Variants in ENOX1 observed in about 807,000 individuals in gnomAD.
ENOX1 encodes ecto-NOX disulfide-thiol exchanger 1.
A neutral mutation model predicts 82.5 loss-of-function variants in ENOX1; 42 were observed. The observed-to-expected ratio is 0.51, with a 90% CI of 0.40 to 0.66. The LOEUF (loss-of-function observed/expected upper bound fraction) is 0.66, where lower values mean the gene tolerates loss of function less well. Ranked by LOEUF, ENOX1 falls within the 30% of genes least tolerant of loss-of-function variation. The probability of loss-of-function intolerance (pLI) is 0.00; values close to 1 mark genes in which losing one functional copy is unlikely to be tolerated. For missense variants in ENOX1, 608 were observed against 811.6 expected (o/e 0.75, Z 3.05); for synonymous variants, 271 against 282.2 (o/e 0.96, Z 0.40).
intron 2 of ENOX1, among the ~76,000 whole-genome samples, chr13:43,641,601 T>C (rs1323964140): frequency 1.6e-5 from 2 of 124,234 alleles, no homozygotes; most frequent in Non-Finnish European, 3.2e-5. Context: ...AGTGGCGCCA[T>C]CTTGGCTAAC....
At position 43,705,328 on chromosome 13, in the gene ENOX1, C is replaced by CTATATA. The variant is rs1248320824; in HGVS notation, c.-284-37785_-284-37784insTATATA. ...CAACTCTCTCTCTCTCTCTCTCTCT[C>CTATATA]TCTATATATATATATATTTGTAATA... is the stretch of plus-strand genomic sequence containing the variant. On this transcript the variant is annotated intron_variant, in intron 1 of 16. Coordinates refer to ENST00000690772, the MANE Select transcript of ENOX1 (RefSeq NM_001347969.2). Among the ~76,000 whole-genome samples the CTATATA allele has an allele frequency of 9.7e-3, 692 of 71,064 alleles. 4 individuals carry two copies. The highest frequency in any genetic ancestry group is 0.032 in the Middle Eastern group (5 of 154). The allele number at this position is 71,064 out of a possible 152,430, so 46.6% of individuals were successfully genotyped here. A position where few individuals can be genotyped will look rare whatever the true frequency, so the allele number is the denominator to read the frequency against.
chr13:43,520,291 T>C (rs2077713595), intron 2 of ENOX1, among the ~76,000 whole-genome samples: 1 of 152,126 alleles, frequency 6.6e-6, no homozygotes, highest in East Asian at 1.9e-4. Context: ...CAACAAACTT[T>C]ACTGGAATGT....
At chr13:43,401,892 A>AAAAC (rs143060027) in intron 5 of ENOX1, among the ~76,000 whole-genome samples, 7,288 of 151,978 alleles carry the variant, frequency 0.048, 494 homozygotes, top group African/African-American at 0.15. Context: ...ACTGCATCTC[A>AAAAC]AAACAAACAA....
At chr13:43,502,996 T>C (rs1379947662) in intron 2 of ENOX1, among the ~76,000 whole-genome samples, 1 of 151,616 alleles carries the variant, frequency 6.6e-6, no homozygotes, top group East Asian at 1.9e-4. Flanking sequence ...CAGAAAGTGT[T>C]ATAAATAATA....
At chr13:43,679,340 C>T (rs541937875) in intron 1 of ENOX1, among the ~76,000 whole-genome samples, 1 of 152,144 alleles carries the variant, frequency 6.6e-6, no homozygotes, top group Non-Finnish European at 1.5e-5. Flanking sequence ...TCCCTGTCAT[C>T]TTTGAGGGTT....
chr13:43,571,848 G>A (rs374980062), intron 2 of ENOX1, among the ~76,000 whole-genome samples: 3 of 152,212 alleles, frequency 2.0e-5, no homozygotes, highest in Admixed American at 6.5e-5. Flanking sequence ...ATCTCTACAC[G>A]TCTGTTTGCT....
At chr13:43,654,287 C>G (rs150218771) in intron 2 of ENOX1, among the ~76,000 whole-genome samples, 1 of 152,262 alleles carries the variant, frequency 6.6e-6, no homozygotes, top group African/African-American at 2.4e-5. Flanking sequence ...GCTAACTTGC[C>G]CTACGTATTT....
chr13:43,706,207 T>C (rs2153811032), intron 1 of ENOX1, among the ~76,000 whole-genome samples: 1 of 152,052 alleles, frequency 6.6e-6, no homozygotes, highest in East Asian at 1.9e-4. Context: ...AGGTTTAAAG[T>C]GAATGATCTA....
intron 2 of ENOX1, among the ~76,000 whole-genome samples, chr13:43,592,436 C>T (rs2081286135): frequency 6.6e-6 from 1 of 151,970 alleles, no homozygotes; most frequent in African/African-American, 2.4e-5. Flanking sequence ...TTTAAAATAC[C>T]ATCATTGCAT....
chr13:43,530,796 A>T (rs1651626992), intron 2 of ENOX1, among the ~76,000 whole-genome samples: 2 of 152,162 alleles, frequency 1.3e-5, no homozygotes, highest in Admixed American at 6.6e-5. Context: ...ACATTTATTT[A>T]AACCCAGTTA....
At chr13:43,257,272 A>G (rs2043803890) in intron 14 of ENOX1, among the ~76,000 whole-genome samples, 1 of 152,206 alleles carries the variant, frequency 6.6e-6, no homozygotes, top group Non-Finnish European at 1.5e-5. Flanking sequence ...TGTATATTTC[A>G]ACATAGCTAA....
At chr13:43,628,229 C>T (rs1306209111) in intron 2 of ENOX1, among the ~76,000 whole-genome samples, 2 of 152,034 alleles carry the variant, frequency 1.3e-5, no homozygotes, top group Non-Finnish European at 1.5e-5. Context: ...ACTTCGATGC[C>T]GTGAATGTTA....
intron 2 of ENOX1, among the ~76,000 whole-genome samples, chr13:43,579,587 A>G (rs2080610461): frequency 3.3e-5 from 5 of 152,194 alleles, no homozygotes; most frequent in African/African-American, 1.2e-4. Flanking sequence ...ATCCATGTCT[A>G]TGTTATTGAT....
chr13:43,697,327 G>A (rs999286546), intron 1 of ENOX1, among the ~76,000 whole-genome samples: 2 of 152,166 alleles, frequency 1.3e-5, no homozygotes, highest in African/African-American at 4.8e-5. Context: ...AAGAAAAGTG[G>A]CCTGTTATAA....
At chr13:43,241,532 G>A (rs2042832085) in intron 14 of ENOX1, among the ~76,000 whole-genome samples, 1 of 152,180 alleles carries the variant, frequency 6.6e-6, no homozygotes, top group Non-Finnish European at 1.5e-5. Flanking sequence ...GGATTATGAA[G>A]TAGTCTCCCA....
intron 3 of ENOX1, among the ~76,000 whole-genome samples, chr13:43,418,954 AG>A (rs1260430422): frequency 6.6e-6 from 1 of 152,182 alleles, no homozygotes; most frequent in Non-Finnish European, 1.5e-5. Flanking sequence ...CTGAGGTGGC[AG>A]GATCACAAGA....
chr13:43,232,323 T>A (rs750638016), intron 15 of ENOX1, among the ~76,000 whole-genome samples: 1 of 152,208 alleles, frequency 6.6e-6, no homozygotes, highest in Non-Finnish European at 1.5e-5. Flanking sequence ...AGGCTCTTGA[T>A]AAATGTTTGT....
intron 2 of ENOX1, among the ~76,000 whole-genome samples, chr13:43,570,498 A>G (rs2080129716): frequency 6.6e-6 from 1 of 152,210 alleles, no homozygotes; most frequent in South Asian, 2.1e-4. Flanking sequence ...GAGGCCAAGG[A>G]CATTAAAATT....
At chr13:43,239,866 T>C (rs1413289677) in intron 14 of ENOX1, among the ~76,000 whole-genome samples, 2 of 152,220 alleles carry the variant, frequency 1.3e-5, no homozygotes, top group African/African-American at 2.4e-5. Context: ...TTTTAATGAC[T>C]CACTAATCAT....
Sources: allele counts gnomAD v4.1 joint callset (sites outside exome capture counted in the v4.1 genomes callset), GRCh38; gene constraint gnomAD v4.1.1; transcripts MANE v1.5; gene names NCBI Gene and HGNC (gene_info 2026-07-23, HGNC 2026-07-21).